Variants in HIP1 observed in about 807,000 individuals in gnomAD.
HIP1 encodes huntingtin-interacting protein 1.
HIP1 carries 65 observed loss-of-function variants against 147.6 expected under a neutral mutation model. That is an observed-to-expected ratio of 0.44 (90% CI 0.36 to 0.54). The LOEUF (loss-of-function observed/expected upper bound fraction) is 0.54. Ranked by LOEUF, HIP1 falls within the 20% of genes least tolerant of loss-of-function variation. The pLI, the probability that HIP1 is intolerant of heterozygous loss-of-function variation, is 0.00. For synonymous variants in HIP1, 479 were observed against 504.0 expected (o/e 0.95, Z 0.67); for missense variants, 1,061 against 1,299.6 (o/e 0.82, Z 2.82).
chr7:75,729,163 G>A (rs1297365623), intron 1 of HIP1, among the ~76,000 whole-genome samples: 57 of 138,476 alleles, frequency 4.1e-4, no homozygotes, highest in African/African-American at 1.5e-3. Flanking sequence ...ACTAGAACAG[G>A]AAAAAAAAAA....
intron 29 of HIP1, among the ~76,000 whole-genome samples, chr7:75,540,360 C>T (rs782793128): frequency 1.1e-4 from 17 of 148,470 alleles, no homozygotes; most frequent in Non-Finnish European, 2.2e-4. Flanking sequence ...ACCTGGAAGG[C>T]GGAGGTTGCA....
At chr7:75,738,726 C>A (rs1159286525) in intron 1 of HIP1, 75 bp downstream of exon 1, 20 of 1,517,154 alleles carry the variant, frequency 1.3e-5, no homozygotes, top group Middle Eastern at 3.4e-4. Flanking sequence ...AAGACTCCTA[C>A]TCCCTTCAAA....
chr7:75,659,381 G>A (rs1799235788), intron 1 of HIP1, among the ~76,000 whole-genome samples: 1 of 152,174 alleles, frequency 6.6e-6, no homozygotes, highest in African/African-American at 2.4e-5. Flanking sequence ...AAGCAGGGCC[G>A]GCCATGGTGG....
intron 2 of HIP1, among the ~76,000 whole-genome samples, chr7:75,595,758 G>A (rs1230541530): frequency 6.6e-6 from 1 of 151,766 alleles, no homozygotes; most frequent in African/African-American, 2.4e-5. Context: ...ATCCATTCAG[G>A]GAGAAAAAAA....
rs1584780618 is a variant in HIP1, at chr7:75,548,741, G to T, written c.2406+150C>A. ...ATCCTCCCAAGGTGCTGGGGTTACAGGCATGAGCCACTGTGCCTGGCAAAT... is the reference window on the plus strand; with the variant it reads ...ATCCTCCCAAGGTGCTGGGGTTACATGCATGAGCCACTGTGCCTGGCAAAT... On this transcript the variant is annotated intron_variant, in intron 23 of 30. Transcript: ENST00000336926. 5 of 687,504 alleles carry T rather than the reference G, an allele frequency of 7.3e-6. No individual in the cohort carries two copies. In the South Asian group the frequency reaches 8.1e-5, roughly 11 times the overall value. The allele number at this position is 687,504 out of a possible 1,614,324, so 42.6% of individuals were successfully genotyped here.
At position 75,639,198 on chromosome 7, in the gene HIP1, A is replaced by AGGCGGCGGC. The variant is rs530262772; in HGVS notation, c.121-39960_121-39952dup. 14 of 974,410 alleles carry AGGCGGCGGC rather than the reference A, an allele frequency of 1.4e-5. No homozygotes were observed. In the Admixed American group the frequency reaches 6.5e-4, roughly 45 times the overall value. The allele number at this position is 974,410 out of a possible 1,614,324, so 60.4% of individuals were successfully genotyped here. On this transcript the variant is annotated intron_variant, in intron 1 of 30. Transcript: ENST00000336926. ...CGGCAGGGCCCCCGCGGACCGGGGC[A>AGGCGGCGGC]GGCGGCGGCGGCGGCGGCGGCACCA...
rs75048083 is a variant in HIP1 at position 75,574,864 on chromosome 7, C to T, written c.605-963G>A. Among the ~76,000 whole-genome samples, 134 of 151,792 alleles carry T rather than the reference C, an allele frequency of 8.8e-4. 1 individual carries two copies. The highest frequency in any genetic ancestry group is 2.3e-3 in the African/African-American group (95 of 41,400). ...CTCATCTTCATTTTTTTCCTCTTTA[C>T]GAGACTGGGTCTCAGCCAGGTGCAG... On this transcript the variant is annotated intron_variant, in intron 7 of 30. Coordinates refer to ENST00000336926, the MANE Select transcript of HIP1 (RefSeq NM_005338.7).
intron 1 of HIP1, among the ~76,000 whole-genome samples, chr7:75,673,301 G>A (rs1799781329): frequency 6.6e-6 from 1 of 152,058 alleles, no homozygotes; most frequent in Admixed American, 6.6e-5. Flanking sequence ...GGGATTACAG[G>A]GGTGAACCAC....
intron 1 of HIP1, among the ~76,000 whole-genome samples, chr7:75,635,532 CG>C (rs1798393005): frequency 7.1e-6 from 1 of 140,334 alleles, no homozygotes. Flanking sequence ...GAGCCGAGAT[CG>C]TGCCACTGCA....
chr7:75,612,578 G>A (rs1248478140), intron 1 of HIP1, among the ~76,000 whole-genome samples: 1 of 152,058 alleles, frequency 6.6e-6, no homozygotes, highest in Non-Finnish European at 1.5e-5. Flanking sequence ...GGAGGCCGAG[G>A]CGGGTGGATC....
intron 1 of HIP1, among the ~76,000 whole-genome samples, chr7:75,659,954 G>A (rs879992117): frequency 2.7e-5 from 4 of 150,076 alleles, no homozygotes; most frequent in African/African-American, 7.4e-5. Flanking sequence ...GGTGAAACCC[G>A]GTCTCTACTA....
chr7:75,722,675 T>C (rs1554521732), intron 1 of HIP1, among the ~76,000 whole-genome samples: 1 of 152,206 alleles, frequency 6.6e-6, no homozygotes, highest in African/African-American at 2.4e-5. Context: ...CCAGCAGAGA[T>C]GCCATCATGA....
chr7:75,553,661 A>G, intron 21 of HIP1, 72 bp from the exon 22 acceptor site: 18 of 1,441,260 alleles, frequency 1.2e-5, no homozygotes, highest in Non-Finnish European at 1.7e-5. Context: ...GCTGGAGTGC[A>G]GTGGCGCCAT....
intron 1 of HIP1, among the ~76,000 whole-genome samples, chr7:75,738,167 C>G (rs1489362087): frequency 3.3e-5 from 5 of 152,160 alleles, no homozygotes; most frequent in African/African-American, 1.2e-4. Context: ...CCACTTTAGC[C>G]CCCAAAGTAA....
intron 13 of HIP1, 31 bp from the exon 14 acceptor site, chr7:75,559,946 C>G: frequency 6.4e-7 from 1 of 1,554,720 alleles, no homozygotes; most frequent in Non-Finnish European, 8.7e-7. Flanking sequence ...TGAGGCCAAC[C>G]GCCCACTGCC....
chr7:75,635,959 C>T (rs4731235), intron 1 of HIP1, among the ~76,000 whole-genome samples: 3 of 142,518 alleles, frequency 2.1e-5, no homozygotes, highest in East Asian at 2.1e-4. Flanking sequence ...GGAAGGCGGA[C>T]GTTGCAAATG....
chr7:75,738,446 C>G (rs1243227617), intron 1 of HIP1, among the ~76,000 whole-genome samples: 4 of 152,148 alleles, frequency 2.6e-5, no homozygotes, highest in African/African-American at 9.6e-5. Flanking sequence ...AAGTGGCTCC[C>G]GTGCGCTTCC....
At chr7:75,682,399 G>C (rs1367678104) in intron 1 of HIP1, among the ~76,000 whole-genome samples, 1 of 151,918 alleles carries the variant, frequency 6.6e-6, no homozygotes, top group African/African-American at 2.4e-5. Context: ...TGTGACTACA[G>C]GAGGCTACAT....
chr7:75,595,960 G>A (rs1796726261), intron 2 of HIP1, among the ~76,000 whole-genome samples: 1 of 152,126 alleles, frequency 6.6e-6, no homozygotes, highest in Non-Finnish European at 1.5e-5. Context: ...TAAATGCGCT[G>A]GGCATGGTGG....
Sources: allele counts gnomAD v4.1 joint callset (sites outside exome capture counted in the v4.1 genomes callset), GRCh38; gene constraint gnomAD v4.1.1; transcripts MANE v1.5; gene names NCBI Gene and HGNC (gene_info 2026-07-23, HGNC 2026-07-21).